Variants in CEP290 observed in about 807,000 individuals in gnomAD.
CEP290 encodes the protein centrosomal protein of 290 kDa.
Under a neutral mutation model 344.9 loss-of-function variants are expected in CEP290, and 317 were observed. That is an observed-to-expected ratio of 0.92 (90% CI 0.84 to 1.01). The LOEUF (loss-of-function observed/expected upper bound fraction) is 1.01, where lower values mean the gene tolerates loss of function less well. Ranked by LOEUF, CEP290 falls within the 50% of genes least tolerant of loss-of-function variation. The pLI is 0.00. For synonymous variants in CEP290, 932 were observed against 895.8 expected, an observed-to-expected ratio of 1.04 and a Z score of -0.72; for missense variants, 2,754 against 2,761.4, an observed-to-expected ratio of 1.00 and a Z score of 0.06.
intron 25 of CEP290, 134 bp downstream of exon 25, chr12:88,106,538 CAGA>C (rs982244600): frequency 5.0e-6 from 3 of 594,182 alleles, no homozygotes; most frequent in Non-Finnish European, 5.6e-6. Context: ...CCACAAAAAT[CAGA>C]AGAAGCAATT....
intron 36 of CEP290, 47 bp from the exon 37 acceptor site, chr12:88,083,277 C>T (rs375381740): frequency 2.0e-6 from 2 of 1,013,212 alleles, no homozygotes; most frequent in African/African-American, 3.4e-5. Context: ...AATTCAATGC[C>T]ATACTTATTC....
chr12:88,054,870 G>A (rs1296137065), intron 50 of CEP290, among the ~76,000 whole-genome samples: 1 of 152,126 alleles, frequency 6.6e-6, no homozygotes, highest in Non-Finnish European at 1.5e-5. Flanking sequence ...AGCAAGCTAT[G>A]AGAATATTTG....
intron 27 of CEP290, among the ~76,000 whole-genome samples, chr12:88,096,361 G>T (rs2037433174): frequency 6.6e-6 from 1 of 151,768 alleles, no homozygotes; most frequent in Admixed American, 6.6e-5. Flanking sequence ...AAATATTTTT[G>T]ATATTACTAT....
chr12:88,120,854 T>C, intron 14 of CEP290, 143 bp downstream of exon 14: 1 of 677,234 alleles, frequency 1.5e-6, no homozygotes, highest in Non-Finnish European at 2.3e-6. Context: ...TTTCAATAGT[T>C]TAGTATAAAT....
chr12:88,134,767 G>C lies in CEP290; in HGVS notation c.441+1876C>G, dbSNP rs2040262555. ...ATGCATATGAAGTGCCTGGCACATA[G>C]TAAGGACTCTATGAAAGCTATTTTC... On this transcript the variant is annotated intron_variant, in intron 6 of 53. Transcript: ENST00000552810. Among the ~76,000 whole-genome samples the C allele has an allele frequency of 6.6e-6, 1 of 152,148 alleles. No homozygotes were observed. The highest frequency in any genetic ancestry group is 6.5e-5 in the Admixed American group (1 of 15,276).
chr12:88,075,812 C>T (rs2035727568), intron 41 of CEP290, among the ~76,000 whole-genome samples: 1 of 152,084 alleles, frequency 6.6e-6, no homozygotes, highest in South Asian at 2.1e-4. Context: ...GGCATAGACC[C>T]CTGTTTTCTC....
At position 88,093,922 on chromosome 12, in the gene CEP290, C is replaced by A; in HGVS notation, c.3157G>T (p.Val1053Phe). 1 of 1,612,502 alleles carries A rather than the reference C, an allele frequency of 6.2e-7. No individual in the cohort carries two copies. The highest frequency in any genetic ancestry group is 8.5e-7 in the Non-Finnish European group (1 of 1,179,328). ...ATAGTTATTTTTTTTGAAATGGAAA[C>A]AATGTCACTGTTGGTTATTGATTTC... ...AKKSITNSDI[V>F]SISKKITMLE... is the part of the protein sequence containing the mutation. Residue 1053 changes from valine (V) to phenylalanine (F), a missense_variant, in exon 28 of 54, where the codon GTT becomes TTT. Coordinates refer to ENST00000552810, the MANE Select transcript of CEP290 (RefSeq NM_025114.4).
rs766355219 is a variant in CEP290, at chr12:88,068,630, A to G, written c.6027T>C (p.Leu2009=). Reference sequence around the variant, plus strand: ...AATCTTCTACAACAGAATCTCGAGGAAGAGCTTGGTGGGCCCTATGAACAA... The same window carrying G: ...AATCTTCTACAACAGAATCTCGAGGGAGAGCTTGGTGGGCCCTATGAACAA... ...DILYMRAHQA[L]PRDSVVEDLH... The change falls in exon 44 of 54, where the codon CTT becomes CTC. Residue 2009 remains leucine (L), a synonymous_variant. Transcript: ENST00000552810. 1.3e-6 allele frequency: 2 copies of G among 1,595,570 alleles called. No homozygotes were observed. The highest frequency in any genetic ancestry group is 3.6e-5 in the Admixed American group (2 of 56,298).
Position 88,114,570 on chromosome 12 carries a change from TAC to T in CEP290, c.1910-10_1910-9del, listed in dbSNP as rs773520477. The T allele has an allele frequency of 6.6e-5, 101 of 1,530,262 alleles. No homozygotes were observed. Among genetic ancestry groups the T allele is most frequent in the Non-Finnish European group, 6.7e-5 (76 of 1,137,840 alleles). The allele number at this position is 1,530,262 out of a possible 1,614,324, so 94.8% of individuals were successfully genotyped here. On this transcript the variant is annotated splice_polypyrimidine_tract_variant and intron_variant, in intron 19 of 53. Coordinates refer to ENST00000552810, the MANE Select transcript of CEP290 (RefSeq NM_025114.4). ...CTTCAACTAATTCTTTTACTGTAAT[TAC>T]ACAGTTTTCTCATTGGATGATCAGA...
chr12:88,128,380 T>C (rs2039860248), intron 11 of CEP290, among the ~76,000 whole-genome samples: 1 of 152,214 alleles, frequency 6.6e-6, no homozygotes, highest in Non-Finnish European at 1.5e-5. Context: ...ATTAGAATTA[T>C]TCATTCAGAA....
chr12:88,082,970 G>T, intron 37 of CEP290, 61 bp downstream of exon 37: 1 of 1,013,630 alleles, frequency 9.9e-7, no homozygotes, highest in East Asian at 2.7e-5. Context: ...AAACACTTAT[G>T]TTTATCTTCA....
rs770836483 is a variant in CEP290 at position 88,106,707 on chromosome 12, A to C, written c.2785T>G (p.Cys929Gly). ...NELLSMEAEV[C>G]EKIGCLQRFK... is the part of the protein sequence containing the mutation. ...CTTTGCAAACACCCAATTTTTTCAC[A>C]AACTTCAGCCTCCATTGACAACAAT... is the stretch of plus-strand genomic sequence containing the variant. Residue 929 changes from cysteine to glycine, a missense_variant, in exon 25 of 54, where the codon TGT becomes GGT. Cys to Gly is a radical substitution (Grantham distance 159). Transcript: ENST00000552810. 1 of 1,608,072 alleles carries C rather than the reference A, an allele frequency of 6.2e-7. No homozygotes were observed.
intron 34 of CEP290, 104 bp downstream of exon 34, chr12:88,085,935 A>G: frequency 9.8e-7 from 1 of 1,020,098 alleles, no homozygotes; most frequent in East Asian, 2.7e-5. Flanking sequence ...AATTAGCAAT[A>G]GATTCATCAT....
chr12:88,083,797 C>T (rs749352058), intron 36 of CEP290, 50 bp downstream of exon 36: 8 of 1,187,746 alleles, frequency 6.7e-6, no homozygotes, highest in Non-Finnish European at 7.2e-6. Flanking sequence ...TTTTAATTTA[C>T]ATGGTCACAA....
chr12:88,093,903 A>T lies in CEP290; in HGVS notation c.3176T>A (p.Ile1059Lys), dbSNP rs928926898. The T allele has an allele frequency of 7.0e-5, 112 of 1,610,782 alleles. No individual in the cohort carries two copies. Among genetic ancestry groups the T allele is most frequent in the Middle Eastern group, 4.9e-4 (3 of 6,070 alleles). The change falls in exon 28 of 54, where the codon ATA (isoleucine) becomes AAA (lysine). Residue 1059 changes from isoleucine to lysine, a missense_variant. Physicochemically the swap from Ile to Lys is moderately radical, Grantham distance 102 (BLOSUM62 -3). Transcript: ENST00000552810. ...NSDIVSISKK[I>K]TMLEMKELNE... is the part of the protein sequence containing the mutation. ...TAATTCCTTCATTTCCAGCATAGTT[A>T]TTTTTTTTGAAATGGAAACAATGTC...
rs1396403319 is a variant in CEP290, at chr12:88,106,755, CTT to C, written c.2735_2736del (p.Lys912ArgfsTer3). ...AATTCATTCTTTTGCTTCTCATTTTCTTTTCTAAGTTGTCGCTCCAATTCTAC... is the reference window on the plus strand; with the variant it reads ...AATTCATTCTTTTGCTTCTCATTTTCTTCTAAGTTGTCGCTCCAATTCTAC... ...TLVELERQLR[K>X]ENEKQKNELL... On this transcript the variant is annotated frameshift_variant, in exon 25 of 54. Transcript: ENST00000552810. LOFTEE classifies it high-confidence loss of function. 6.2e-7 allele frequency: 1 copy of C among 1,611,066 alleles called. No individual in the cohort carries two copies. Among genetic ancestry groups the C allele is most frequent in the South Asian group, 1.1e-5 (1 of 90,706 alleles).
intron 49 of CEP290, chr12:88,057,828 A>G (rs2034135892): frequency 6.6e-6 from 1 of 152,258 alleles, no homozygotes; most frequent in South Asian, 2.1e-4. Context: ...TAAGACTCCC[A>G]TCCTAGTTGT....
At chr12:88,128,769 A>G (rs2039884411) in intron 11 of CEP290, among the ~76,000 whole-genome samples, 177 bp downstream of exon 11, 1 of 152,114 alleles carries the variant, frequency 6.6e-6, no homozygotes, top group Admixed American at 6.6e-5. Context: ...CAAATTAGCT[A>G]GAGATCAAAA....
At chr12:88,099,346 T>C (rs952638282) in intron 26 of CEP290, among the ~76,000 whole-genome samples, 1 of 152,130 alleles carries the variant, frequency 6.6e-6, no homozygotes, top group Non-Finnish European at 1.5e-5. Context: ...CACGTTAAAT[T>C]TGAGATCCCC....
Sources: gnomAD v4.1 joint callset for allele counts (sites outside exome capture counted in the v4.1 genomes callset) on GRCh38, gnomAD v4.1.1 for gene constraint, MANE v1.5 for transcripts, NCBI Gene and HGNC (gene_info 2026-07-23, HGNC 2026-07-21) for gene names.